DOCK3: variants seen among roughly 807,000 people sequenced by gnomAD.
DOCK3 encodes dedicator of cytokinesis protein 3.
A neutral mutation model predicts 265.6 loss-of-function variants in DOCK3; 60 were observed. The observed-to-expected ratio is 0.23, with a 90% CI of 0.18 to 0.28. The LOEUF (loss-of-function observed/expected upper bound fraction) is 0.28. Ranked by LOEUF, DOCK3 falls within the 10% of genes least tolerant of loss-of-function variation. DOCK3 has a pLI of 1.00. For missense variants in DOCK3, 1,981 were observed against 2,594.3 expected, an observed-to-expected ratio of 0.76 and a Z score of 5.14; for synonymous variants, 881 against 938.0, an observed-to-expected ratio of 0.94 and a Z score of 1.11.
At chr3:51,163,011 G>A (rs2086211255) in intron 12 of DOCK3, among the ~76,000 whole-genome samples, 1 of 152,074 alleles carries the variant, frequency 6.6e-6, no homozygotes, top group Non-Finnish European at 1.5e-5. Flanking sequence ...GTGCAATATA[G>A]AATTATTCTA....
At chr3:50,855,478 A>G (rs945281511) in intron 3 of DOCK3, among the ~76,000 whole-genome samples, 17 of 152,144 alleles carry the variant, frequency 1.1e-4, no homozygotes, top group African/African-American at 1.9e-4. Context: ...CTATTGAAGT[A>G]TAGACGTGAC....
chr3:51,280,444 A>T (rs1000740236), intron 27 of DOCK3, among the ~76,000 whole-genome samples: 2 of 152,146 alleles, frequency 1.3e-5, no homozygotes, highest in Admixed American at 6.5e-5. Context: ...CCCTGTGATC[A>T]TGTGCCTCTA....
At chr3:50,815,200 C>A (rs2044006227) in intron 2 of DOCK3, among the ~76,000 whole-genome samples, 1 of 152,128 alleles carries the variant, frequency 6.6e-6, no homozygotes, top group African/African-American at 2.4e-5. Flanking sequence ...TCCAAACATA[C>A]TTCTTTCATT....
intron 1 of DOCK3, among the ~76,000 whole-genome samples, chr3:50,776,628 T>G (rs189484578): frequency 6.6e-6 from 1 of 152,310 alleles, no homozygotes; most frequent in Non-Finnish European, 1.5e-5. Context: ...CTTTGGGTCT[T>G]ACTCAGGGAT....
At position 50,708,821 on chromosome 3, in the gene DOCK3, C is replaced by G. The variant is rs59725061; in HGVS notation, c.37+33521C>G. Among the ~76,000 whole-genome samples, 1,162 of 152,294 alleles carry G rather than the reference C, an allele frequency of 7.6e-3. 18 individuals are homozygous for G. Among genetic ancestry groups the G allele is most frequent in the African/African-American group, 0.027 (1,119 of 41,562 alleles). ...TGCCTTGTTTTCCTCTCCTTTTATG[C>G]CTCAGAGCTTTCTTGTCACTTCTGT... is the stretch of plus-strand genomic sequence containing the variant. On this transcript the variant is annotated intron_variant, in intron 1 of 52. Transcript: ENST00000266037.
At chr3:51,351,904 G>A (rs1326846740) in intron 40 of DOCK3, among the ~76,000 whole-genome samples, 5 of 152,116 alleles carry the variant, frequency 3.3e-5, no homozygotes, top group African/African-American at 4.8e-5. Flanking sequence ...TGATCCGCCC[G>A]CCTCGGCCTC....
chr3:51,064,625 T>C (rs1406549324), intron 6 of DOCK3, 29 bp downstream of exon 6: 1 of 1,607,952 alleles, frequency 6.2e-7, no homozygotes, highest in Non-Finnish European at 8.5e-7. Flanking sequence ...TGGGTATCTC[T>C]CAGTTTCATT....
At position 51,310,341 on chromosome 3, in the gene DOCK3, G is replaced by A; in HGVS notation, c.3017+15G>A. ...CTCACAAGCAAGTAAGTATGGAAGG[G>A]CTCTGTATCAGCATCACTGAGCTGT... On this transcript the variant is annotated intron_variant, in intron 28 of 52. Transcript: ENST00000266037. The A allele has an allele frequency of 1.3e-6, 2 of 1,570,318 alleles. No individual in the cohort carries two copies. Among genetic ancestry groups the A allele is most frequent in the East Asian group, 2.3e-5 (1 of 43,576 alleles).
intron 28 of DOCK3, 69 bp downstream of exon 28, chr3:51,310,395 C>T: frequency 7.3e-7 from 1 of 1,364,278 alleles, no homozygotes. Context: ...ATGTGTATTT[C>T]AGAGAGGGAG....
intron 7 of DOCK3, among the ~76,000 whole-genome samples, chr3:51,084,022 G>C (rs2109473615): frequency 6.6e-6 from 1 of 152,156 alleles, no homozygotes. Flanking sequence ...TTCTGAATCT[G>C]AAGACAGGTT....
At chr3:50,783,825 T>G (rs2042044920) in intron 2 of DOCK3, among the ~76,000 whole-genome samples, 1 of 152,108 alleles carries the variant, frequency 6.6e-6, no homozygotes, top group Non-Finnish European at 1.5e-5. Context: ...AGAATTTTTA[T>G]GGTTTCAGGT....
chr3:50,677,504 T>G (rs2034064613), intron 1 of DOCK3, among the ~76,000 whole-genome samples: 2 of 152,220 alleles, frequency 1.3e-5, no homozygotes, highest in Non-Finnish European at 2.9e-5. Flanking sequence ...CATTTTCCTG[T>G]GAGAAAATGT....
intron 1 of DOCK3, among the ~76,000 whole-genome samples, chr3:50,717,222 C>T (rs981471397): frequency 5.9e-5 from 9 of 152,112 alleles, no homozygotes; most frequent in African/African-American, 1.4e-4. Flanking sequence ...ATATACTTGC[C>T]GATCCTCATT....
At chr3:51,245,870 T>A (rs1183212682) in intron 21 of DOCK3, among the ~76,000 whole-genome samples, 2 of 152,200 alleles carry the variant, frequency 1.3e-5, no homozygotes, top group Middle Eastern at 3.2e-3. Flanking sequence ...CTTTGAGATG[T>A]ACTATTTCCC....
At chr3:50,872,587 C>T (rs2047485774) in intron 3 of DOCK3, among the ~76,000 whole-genome samples, 2 of 152,238 alleles carry the variant, frequency 1.3e-5, no homozygotes, top group African/African-American at 2.4e-5. Flanking sequence ...GAATGAGCAG[C>T]TGGCAAAGCC....
intron 7 of DOCK3, among the ~76,000 whole-genome samples, chr3:51,079,398 T>G (rs1160849907): frequency 6.6e-6 from 1 of 152,192 alleles, no homozygotes; most frequent in East Asian, 1.9e-4. Context: ...AGTGGTGTGA[T>G]CTGGGCTCAC....
At chr3:51,263,627 A>C (rs573726342) in intron 23 of DOCK3, among the ~76,000 whole-genome samples, 1 of 152,346 alleles carries the variant, frequency 6.6e-6, no homozygotes, top group East Asian at 1.9e-4. Context: ...CAGACTGGCA[A>C]ATTGGATAAA....
At chr3:51,266,159 C>A (rs1162753207) in intron 23 of DOCK3, among the ~76,000 whole-genome samples, 1 of 152,130 alleles carries the variant, frequency 6.6e-6, no homozygotes, top group East Asian at 1.9e-4. Context: ...CTACAAACCA[C>A]TGCTCAAGGA....
At chr3:51,239,576 TTTTTG>T (rs2078513965) in intron 21 of DOCK3, among the ~76,000 whole-genome samples, 3 of 148,758 alleles carry the variant, frequency 2.0e-5, no homozygotes, top group Admixed American at 1.3e-4. Context: ...GTTTGTTTGT[TTTTTG>T]TTTTTTTTGT....
Sources: allele counts gnomAD v4.1 joint callset (sites outside exome capture counted in the v4.1 genomes callset), GRCh38; gene constraint gnomAD v4.1.1; transcripts MANE v1.5; gene names NCBI Gene and HGNC (gene_info 2026-07-23, HGNC 2026-07-21).